Variants in ZNF521 observed in about 807,000 individuals in gnomAD.
ZNF521 encodes the protein LYST-interacting protein 3.
In ZNF521, 14 loss-of-function variants were observed where a neutral mutation model predicts 105.5. That is an observed-to-expected ratio of 0.13 (90% CI 0.09 to 0.21). The LOEUF (loss-of-function observed/expected upper bound fraction) is 0.21. Ranked by LOEUF, ZNF521 falls within the 10% of genes least tolerant of loss-of-function variation. The probability of loss-of-function intolerance (pLI) is 1.00; values close to 1 mark genes in which losing one functional copy is unlikely to be tolerated. For missense variants in ZNF521, 1,233 were observed against 1,629.7 expected (o/e 0.76, Z 4.19); for synonymous variants, 635 against 606.0 (o/e 1.05, Z -0.70).
At chr18:25,086,685 G>A (rs141621390) in intron 7 of ZNF521, among the ~76,000 whole-genome samples, 1 of 151,940 alleles carries the variant, frequency 6.6e-6, no homozygotes, top group Non-Finnish European at 1.5e-5. Flanking sequence ...CTGAGTATTC[G>A]CATCAAGAGC....
At chr18:25,124,258 A>G (rs984655018) in intron 5 of ZNF521, among the ~76,000 whole-genome samples, 2 of 152,098 alleles carry the variant, frequency 1.3e-5, no homozygotes, top group East Asian at 3.9e-4. Context: ...CTGTGAAGAG[A>G]TACAGGATGA....
At chr18:25,292,620 G>A (rs745788669) in intron 3 of ZNF521, among the ~76,000 whole-genome samples, 2 of 152,142 alleles carry the variant, frequency 1.3e-5, no homozygotes, top group Non-Finnish European at 2.9e-5. Flanking sequence ...AGATATAGTA[G>A]GTGGGTATGG....
chr18:25,300,555 G>A (rs973568328), intron 3 of ZNF521, among the ~76,000 whole-genome samples: 2 of 151,854 alleles, frequency 1.3e-5, no homozygotes, highest in African/African-American at 4.9e-5. Flanking sequence ...GGATGTATTA[G>A]AAAGATCATA....
chr18:25,312,223 G>A (rs1912347834), intron 3 of ZNF521, among the ~76,000 whole-genome samples: 1 of 151,864 alleles, frequency 6.6e-6, no homozygotes, highest in African/African-American at 2.4e-5. Flanking sequence ...ACTTATACTG[G>A]GAAAACATAT....
chr18:25,230,644 T>C (rs930497987), intron 3 of ZNF521, among the ~76,000 whole-genome samples: 1 of 152,212 alleles, frequency 6.6e-6, no homozygotes, highest in East Asian at 1.9e-4. Flanking sequence ...AACTTTAACT[T>C]TTTTTCCCTT....
chr18:25,192,422 C>T (rs975354380), intron 5 of ZNF521, among the ~76,000 whole-genome samples: 1 of 152,070 alleles, frequency 6.6e-6, no homozygotes, highest in East Asian at 1.9e-4. Flanking sequence ...TTGCTTGACA[C>T]TGAGATTGCA....
intron 3 of ZNF521, among the ~76,000 whole-genome samples, chr18:25,236,346 G>A (rs1476284225): frequency 6.6e-6 from 1 of 152,148 alleles, no homozygotes. Flanking sequence ...GATCAGCCTG[G>A]ATAACATGGT....
intron 2 of ZNF521, among the ~76,000 whole-genome samples, chr18:25,338,526 C>A (rs924196905): frequency 3.9e-5 from 6 of 152,120 alleles, no homozygotes; most frequent in African/African-American, 1.4e-4. Context: ...GATCTTCCCA[C>A]GTCAGCCTCC....
At chr18:25,270,171 T>C (rs554057312) in intron 3 of ZNF521, among the ~76,000 whole-genome samples, 1 of 152,264 alleles carries the variant, frequency 6.6e-6, no homozygotes, top group East Asian at 1.9e-4. Flanking sequence ...GCAAATAAAC[T>C]GGAAAATCTA....
Position 25,322,053 on chromosome 18 carries a change from G to C in ZNF521, c.175C>G (p.Leu59Val). 1 of 1,614,166 alleles carries C rather than the reference G, an allele frequency of 6.2e-7. No individual in the cohort carries two copies. ...ATCTTGTGTTCTGTGATATCGCTCA[G>C]CGATTCAAACACCTGGAGGCAGCTG... ...CDSCLQVFES[L>V]SDITEHKINQ... The change falls in exon 3 of 8, where the codon CTG becomes GTG. Residue 59 changes from leucine to valine, a missense_variant. Leu to Val is a conservative substitution (Grantham distance 32). Transcript: ENST00000361524.
At chr18:25,149,209 G>C (rs548737119) in intron 5 of ZNF521, among the ~76,000 whole-genome samples, 1 of 152,132 alleles carries the variant, frequency 6.6e-6, no homozygotes, top group Non-Finnish European at 1.5e-5. Context: ...CCCTCCATGC[G>C]GTATGAAGGG....
Position 25,272,593 on chromosome 18 carries a change from A to G in ZNF521, c.221-44896T>C, listed in dbSNP as rs538602657. Among the ~76,000 whole-genome samples, 3 of 152,192 alleles carry G rather than the reference A, an allele frequency of 2.0e-5. No individual in the cohort carries two copies. The South Asian group carries it at 6.2e-4, about 32-fold the overall frequency. Reference sequence around the variant, plus strand: ...AATACTATGCAGCCATAAAAAAGAAAGAGTTCATGTCCTTTTCAGGGACAT... The same window carrying G: ...AATACTATGCAGCCATAAAAAAGAAGGAGTTCATGTCCTTTTCAGGGACAT... On this transcript the variant is annotated intron_variant, in intron 3 of 7. Coordinates refer to ENST00000361524, the MANE Select transcript of ZNF521 (RefSeq NM_015461.3).
intron 5 of ZNF521, among the ~76,000 whole-genome samples, chr18:25,114,295 GGAT>G (rs2034260090): frequency 6.6e-6 from 1 of 152,112 alleles, no homozygotes; most frequent in Non-Finnish European, 1.5e-5. Flanking sequence ...GTGGAAAAGA[GGAT>G]GTCATTTTTA....
intron 3 of ZNF521, among the ~76,000 whole-genome samples, chr18:25,249,374 G>C (rs1027571002): frequency 5.3e-5 from 8 of 151,636 alleles, no homozygotes; most frequent in Admixed American, 2.6e-4. Flanking sequence ...AGCCAGGATG[G>C]TCTCCATCTC....
chr18:25,244,872 T>C (rs967012909), intron 3 of ZNF521, among the ~76,000 whole-genome samples: 8 of 152,260 alleles, frequency 5.3e-5, no homozygotes, highest in African/African-American at 1.7e-4. Context: ...TCTGTGGCCC[T>C]GTTCTACCAA....
chr18:25,241,118 C>T (rs1907300109), intron 3 of ZNF521, among the ~76,000 whole-genome samples: 1 of 152,136 alleles, frequency 6.6e-6, no homozygotes, highest in African/African-American at 2.4e-5. Context: ...CCCCAGCACC[C>T]CATGGGCTCC....
chr18:25,119,181 C>A (rs1358690153), intron 5 of ZNF521, among the ~76,000 whole-genome samples: 4 of 152,028 alleles, frequency 2.6e-5, no homozygotes, highest in Non-Finnish European at 5.9e-5. Context: ...CGTCTCTTAG[C>A]AATTAAAAAG....
At chr18:25,130,597 C>A (rs1156583463) in intron 5 of ZNF521, among the ~76,000 whole-genome samples, 2 of 152,098 alleles carry the variant, frequency 1.3e-5, no homozygotes, top group Non-Finnish European at 2.9e-5. Flanking sequence ...ATGGTACTTT[C>A]TGTTAAACTC....
intron 5 of ZNF521, among the ~76,000 whole-genome samples, chr18:25,127,232 G>A (rs1047135911): frequency 2.6e-5 from 4 of 151,922 alleles, no homozygotes; most frequent in African/African-American, 4.8e-5. Flanking sequence ...GGTTGTTGAA[G>A]GTCCTGAACT....
Sources: gnomAD v4.1 joint callset for allele counts (sites outside exome capture counted in the v4.1 genomes callset) on GRCh38, gnomAD v4.1.1 for gene constraint, MANE v1.5 for transcripts, NCBI Gene and HGNC (gene_info 2026-07-23, HGNC 2026-07-21) for gene names.